CTDSP2: variants seen among roughly 807,000 people sequenced by gnomAD.
The protein encoded by CTDSP2 is CTD small phosphatase 2.
A neutral mutation model predicts 31.6 loss-of-function variants in CTDSP2; 9 were observed. The ratio of observed to expected loss-of-function variants is 0.28; its 90% confidence interval spans 0.17 to 0.50. The LOEUF (loss-of-function observed/expected upper bound fraction) is 0.50. CTDSP2 is among the 20% of genes least tolerant of loss of function. CTDSP2 has a pLI of 0.98. For synonymous variants in CTDSP2, 134 were observed against 134.5 expected (o/e 1.00, Z 0.03); for missense variants, 267 against 348.5 (o/e 0.77, Z 1.86).
intron 1 of CTDSP2, among the ~76,000 whole-genome samples, chr12:57,841,337 TTC>T (rs1956281473): frequency 6.6e-6 from 1 of 152,204 alleles, no homozygotes; most frequent in East Asian, 1.9e-4. Context: ...AAACCCCATT[TTC>T]TTTTTCCCCC....
At position 57,827,573 on chromosome 12, in the gene CTDSP2, A is replaced by G. The variant is rs1956190832; in HGVS notation, c.231T>C (p.Cys77=). 1 of 1,614,062 alleles carries G rather than the reference A, an allele frequency of 6.2e-7. No individual in the cohort carries two copies. The highest frequency in any genetic ancestry group is 8.5e-7 in the Non-Finnish European group (1 of 1,179,984). Residue 77 remains cysteine (C), a synonymous_variant, in exon 3 of 8, where the codon TGT becomes TGC. Transcript: ENST00000398073. ...NTIAKSDLLQ[C]LQYQFYQIPG... ...GTACCTGGTAGAACTGGTACTGGAG[A>G]CACTGGAGCAGATCCGACTGAGGAA... is the stretch of plus-strand genomic sequence containing the variant.
intron 1 of CTDSP2, among the ~76,000 whole-genome samples, chr12:57,846,121 G>A (rs1465844758): frequency 6.6e-6 from 1 of 152,208 alleles, no homozygotes; most frequent in African/African-American, 2.4e-5. Context: ...AGCCCCGAGG[G>A]GGAGGGGTTG....
At chr12:57,838,842 T>C (rs1956263749) in intron 1 of CTDSP2, among the ~76,000 whole-genome samples, 1 of 152,238 alleles carries the variant, frequency 6.6e-6, no homozygotes, top group Non-Finnish European at 1.5e-5. Flanking sequence ...GGGAGTGTCC[T>C]GGTCCTAACA....
chr12:57,838,556 A>G (rs1956261580), intron 1 of CTDSP2, among the ~76,000 whole-genome samples: 1 of 152,192 alleles, frequency 6.6e-6, no homozygotes, highest in African/African-American at 2.4e-5. Flanking sequence ...GATATAGTTG[A>G]AGCCTAGGAA....
chr12:57,845,963 G>A (rs1055012409), intron 1 of CTDSP2, among the ~76,000 whole-genome samples: 1 of 152,136 alleles, frequency 6.6e-6, no homozygotes, highest in Non-Finnish European at 1.5e-5. Context: ...GTTCCACCTG[G>A]GGCTCCCTCT....
At chr12:57,827,158 C>A in intron 3 of CTDSP2, 61 bp from the exon 4 acceptor site, 4 of 1,216,212 alleles carry the variant, frequency 3.3e-6, no homozygotes, top group South Asian at 1.2e-5. Flanking sequence ...TACCCCTTGG[C>A]ATAATTATGG....
In CTDSP2 at chr12:57,846,535, C is replaced by T; in HGVS notation, c.-100G>A. 1 of 937,268 alleles carries T rather than the reference C, an allele frequency of 1.1e-6. No individual in the cohort carries two copies. Among genetic ancestry groups the T allele is most frequent in the Non-Finnish European group, 1.5e-6 (1 of 664,746 alleles). The allele number at this position is 937,268 out of a possible 1,614,324, so 58.1% of individuals were successfully genotyped here. ...CTGGGCGGGGGCCCGCTCCGGCTCC[C>T]GAGACTCCGACTTCCACAGCTGTTC... On this transcript the variant is annotated 5_prime_UTR_variant, in exon 1 of 8. Transcript: ENST00000398073.
At chr12:57,832,790 TAAAAAAA>T (rs61390174) in intron 1 of CTDSP2, among the ~76,000 whole-genome samples, 3 of 44,896 alleles carry the variant, frequency 6.7e-5, no homozygotes, top group Non-Finnish European at 1.1e-4. Context: ...AGACTCTGGC[TAAAAAAA>T]AAAAAAAAAA....
intron 2 of CTDSP2, among the ~76,000 whole-genome samples, chr12:57,828,456 TTC>T (rs1284776754): frequency 1.6e-4 from 25 of 151,910 alleles, no homozygotes; most frequent in Non-Finnish European, 3.4e-4. Context: ...GTTTTAAGTG[TTC>T]TTAATGAAAA....
chr12:57,820,563 C>G lies in CTDSP2; in HGVS notation c.*3039G>C, dbSNP rs1177670001. 1.3e-5 allele frequency: 2 copies of G among 152,594 alleles called. No individual in the cohort carries two copies. Among genetic ancestry groups the G allele is most frequent in the African/African-American group, 4.8e-5 (2 of 41,452 alleles). The allele number at this position is 152,594 out of a possible 1,614,324, so 9.5% of individuals were successfully genotyped here. A position where few individuals can be genotyped will look rare whatever the true frequency, so the allele number is the denominator to read the frequency against. ...AGAGAAAGACTGCCTTTACATTTCC[C>G]ATGCTTTTAGCACAAAGCAGCGTCT... On this transcript the variant is annotated 3_prime_UTR_variant, in exon 8 of 8. Transcript: ENST00000398073.
Position 57,824,016 on chromosome 12 carries a change from A to T in CTDSP2, c.578T>A (p.Val193Glu). ...CTTGACGTAGCAGCCCTGGTGGAAC[A>T]CGCAAGACTCACGGAATAGGCGGGC... The part of the protein sequence containing the change: ...FRARLFRESC[V>E]FHQGCYVKDL... Residue 193 changes from valine (V) to glutamate (E), a missense_variant, in exon 7 of 8, where the codon GTG (valine) becomes GAG (glutamate). Around this residue, in one of 2 missense-constraint regions of CTDSP2, gnomAD observed 156 missense variants for 241.3 expected, o/e 0.65. Transcript: ENST00000398073. 1 of 1,614,066 alleles carries T rather than the reference A, an allele frequency of 6.2e-7. No individual in the cohort carries two copies.
intron 1 of CTDSP2, among the ~76,000 whole-genome samples, chr12:57,844,038 C>CA (rs958634361): frequency 6.6e-6 from 1 of 152,008 alleles, no homozygotes; most frequent in African/African-American, 2.4e-5. Context: ...CTAAAAAATA[C>CA]AAAAAAATTA....
intron 1 of CTDSP2, among the ~76,000 whole-genome samples, chr12:57,832,790 T>TAAA (rs61390174): frequency 1.1e-4 from 5 of 44,890 alleles, no homozygotes; most frequent in Admixed American, 4.4e-4. Flanking sequence ...AGACTCTGGC[T>TAAA]AAAAAAAAAA....
chr12:57,830,535 G>A (rs1956209590), intron 1 of CTDSP2, among the ~76,000 whole-genome samples: 1 of 152,128 alleles, frequency 6.6e-6, no homozygotes, highest in African/African-American at 2.4e-5. Context: ...TCACAGCCTT[G>A]CCTCCCCTCC....
At position 57,835,802 on chromosome 12, in the gene CTDSP2, G is replaced by A. The variant is rs962104879; in HGVS notation, c.65-6206C>T. Among the ~76,000 whole-genome samples the A allele has an allele frequency of 1.5e-4, 23 of 152,164 alleles. 1 individual carries two copies. Among genetic ancestry groups the A allele is most frequent in the Admixed American group, 5.9e-4 (9 of 15,280 alleles). On this transcript the variant is annotated intron_variant, in intron 1 of 7. Transcript: ENST00000398073. ...TGAGGCGGGGTGTGAGGAGAAGAGG[G>A]GATGTGAGGAGTATGCCCCCACTGA...
rs1184178569 is a variant in CTDSP2, at chr12:57,823,612, C to T, written c.806G>A (p.Arg269Gln). ...EDVYTSLGQL[R>Q]AP is the part of the protein sequence containing the mutation. ...TGGAAGCAGGGCAGGCTAAGGGGCC[C>T]GCAGCTGCCCAAGGCTGGTGTAGAC... The change falls in exon 8 of 8, where the codon CGG becomes CAG. Residue 269 changes from arginine to glutamine, a missense_variant. Transcript: ENST00000398073. 7.4e-6 allele frequency: 12 copies of T among 1,613,724 alleles called. No homozygotes were observed. Among genetic ancestry groups the T allele is most frequent in the South Asian group, 1.1e-5 (1 of 91,068 alleles).
chr12:57,830,154 A>G (rs10877022), intron 1 of CTDSP2, among the ~76,000 whole-genome samples: 49,387 of 151,984 alleles, frequency 0.32, 9,098 homozygotes, highest in East Asian at 0.73. Context: ...GGGAGGCCAA[A>G]GCGGGTGGAG....
intron 1 of CTDSP2, among the ~76,000 whole-genome samples, chr12:57,838,959 C>A (rs980598923): frequency 1.3e-5 from 2 of 152,230 alleles, no homozygotes; most frequent in Non-Finnish European, 2.9e-5. Context: ...ATAGAGATTT[C>A]TTCTAACTCA....
rs556130972 is a variant in CTDSP2, at chr12:57,828,319, T to G, written c.214-729A>C. ...CTGTAATCCCAGCTACTCGGGAGAC[T>G]GAGGCAGGAGAATCGCTTGAACCCG... On this transcript the variant is annotated intron_variant, in intron 2 of 7. Transcript: ENST00000398073. Among the ~76,000 whole-genome samples, 3 of 151,298 alleles carry G rather than the reference T, an allele frequency of 2.0e-5. No homozygotes were observed. In the East Asian group the frequency reaches 5.8e-4, roughly 29 times the overall value.
Sources: gnomAD v4.1 joint callset for allele counts (sites outside exome capture counted in the v4.1 genomes callset) on GRCh38, gnomAD v4.1.1 for gene constraint, gnomAD v4.1.1 regional missense constraint, MANE v1.5 for transcripts, NCBI Gene and HGNC (gene_info 2026-07-23, HGNC 2026-07-21) for gene names.